Variants in FAM120B observed in about 807,000 individuals in gnomAD.
FAM120B encodes the protein family with sequence similarity 120 member B.
A neutral mutation model predicts 96.3 loss-of-function variants in FAM120B; 83 were observed. The ratio of observed to expected loss-of-function variants is 0.86; its 90% CI spans 0.72 to 1.03. The LOEUF (loss-of-function observed/expected upper bound fraction) is 1.03, where lower values mean the gene tolerates loss of function less well. Ranked by LOEUF, FAM120B falls within the 50% of genes least tolerant of loss-of-function variation. FAM120B has a pLI of 0.00. For synonymous variants in FAM120B, 407 were observed against 402.7 expected (o/e 1.01, Z -0.13); for missense variants, 1,027 against 1,121.2 (o/e 0.92, Z 1.20).
chr6:170,329,132 G>A (rs1785820990), intron 3 of FAM120B, among the ~76,000 whole-genome samples: 1 of 152,206 alleles, frequency 6.6e-6, no homozygotes, highest in Admixed American at 6.5e-5. Flanking sequence ...TATCCTGATA[G>A]CTCTCTCTTC....
At chr6:170,369,059 A>T (rs1289032537) in intron 6 of FAM120B, among the ~76,000 whole-genome samples, 2 of 152,324 alleles carry the variant, frequency 1.3e-5, no homozygotes, top group South Asian at 4.1e-4. Flanking sequence ...CAGTAGAAAT[A>T]GAAATCTTGA....
intron 6 of FAM120B, among the ~76,000 whole-genome samples, chr6:170,377,983 T>C (rs1200524843): frequency 6.8e-6 from 1 of 147,848 alleles, no homozygotes; most frequent in Non-Finnish European, 1.5e-5. Context: ...ACTGAAGAAG[T>C]TGAAACCAAA....
chr6:170,323,062 A>G lies in FAM120B; in HGVS notation c.1735-17A>G. 1.9e-6 allele frequency: 3 copies of G among 1,590,210 alleles called. No individual in the cohort carries two copies. The highest frequency in any genetic ancestry group is 2.6e-6 in the Non-Finnish European group (3 of 1,168,626). ...TGTTTTTAAGGAGAAATTCAGTTGT[A>G]TTTAAATTTCAAACAGGTTGCTAGA... On this transcript the variant is annotated splice_polypyrimidine_tract_variant and intron_variant, in intron 2 of 10. Coordinates refer to ENST00000476287, the MANE Select transcript of FAM120B (RefSeq NM_032448.3).
chr6:170,292,400 C>T (rs981245078), upstream of FAM120B, among the ~76,000 whole-genome samples: 5 of 152,134 alleles, frequency 3.3e-5, no homozygotes. The surrounding 1 kb of genome is among the most constrained non-coding windows in gnomAD (Gnocchi z 6.6). Context: ...TTTACCATCC[C>T]GCCCGTGGAT....
At chr6:170,291,158 C>T (rs1055902163), upstream of FAM120B, 8 of 652,288 alleles carry the variant, frequency 1.2e-5, no homozygotes, top group Non-Finnish European at 2.2e-5. Context: ...CGCCCCCAGC[C>T]CCCCCTTCCT....
chr6:170,353,496 C>A (rs1009875071), intron 5 of FAM120B, among the ~76,000 whole-genome samples: 1 of 152,040 alleles, frequency 6.6e-6, no homozygotes, highest in African/African-American at 2.4e-5. Context: ...ATGCAAAAAT[C>A]CTCACTAAAA....
At chr6:170,344,365 T>A (rs998912387) in intron 4 of FAM120B, among the ~76,000 whole-genome samples, 2 of 108,882 alleles carry the variant, frequency 1.8e-5, no homozygotes, top group African/African-American at 7.8e-5. Context: ...TTCAGTCCAT[T>A]CACCTGCACC....
chr6:170,401,548 C>T (rs1324293984), intron 9 of FAM120B, among the ~76,000 whole-genome samples: 1 of 152,142 alleles, frequency 6.6e-6, no homozygotes, highest in Non-Finnish European at 1.5e-5. Context: ...AGGCCGCTGT[C>T]CCCTGCAGGA....
intron 6 of FAM120B, among the ~76,000 whole-genome samples, chr6:170,379,835 A>C (rs911971885): frequency 1.3e-5 from 2 of 152,240 alleles, no homozygotes; most frequent in African/African-American, 4.8e-5. Context: ...TAACCTATCC[A>C]TCACCTTTTG....
chr6:170,395,678 T>G, intron 9 of FAM120B, 99 bp downstream of exon 9: 2 of 804,358 alleles, frequency 2.5e-6, no homozygotes, highest in African/African-American at 1.7e-5. Flanking sequence ...TCAGAAAGGT[T>G]GTATAGTTCC....
At chr6:170,394,677 C>T (rs1003362287) in intron 8 of FAM120B, among the ~76,000 whole-genome samples, 1 of 139,368 alleles carries the variant, frequency 7.2e-6, no homozygotes, top group East Asian at 2.1e-4. Context: ...CCGTGGACAC[C>T]GCAGCATGTC....
At chr6:170,336,259 T>G (rs1030902741) in intron 4 of FAM120B, among the ~76,000 whole-genome samples, 1 of 152,234 alleles carries the variant, frequency 6.6e-6, no homozygotes, top group Non-Finnish European at 1.5e-5. Flanking sequence ...TTCTGTTTTC[T>G]GCTTATGGCT....
intron 6 of FAM120B, 96 bp downstream of exon 6, chr6:170,358,414 C>G: frequency 1.1e-6 from 1 of 910,230 alleles, no homozygotes; most frequent in Non-Finnish European, 1.7e-6. Flanking sequence ...CAGAAAAGAT[C>G]AGGAAGGTAT....
chr6:170,348,871 G>A (rs981525734), intron 5 of FAM120B, among the ~76,000 whole-genome samples: 5 of 152,134 alleles, frequency 3.3e-5, no homozygotes, highest in Non-Finnish European at 7.4e-5. Flanking sequence ...CTGTTGGGGC[G>A]ATTTCAGGTG....
chr6:170,401,007 G>C (rs1414082885), intron 9 of FAM120B, among the ~76,000 whole-genome samples: 1 of 152,210 alleles, frequency 6.6e-6, no homozygotes, highest in Admixed American at 6.5e-5. Flanking sequence ...GGATTGACAG[G>C]AAGCAGCTTT....
intron 5 of FAM120B, among the ~76,000 whole-genome samples, chr6:170,355,562 G>C (rs1369709447): frequency 6.6e-6 from 1 of 152,018 alleles, no homozygotes; most frequent in Non-Finnish European, 1.5e-5. Flanking sequence ...ACTGGGGACT[G>C]TGAGGGGGTC....
At position 170,406,727 on chromosome 6, in the gene FAM120B, T is replaced by TG. The variant is rs1337916017; in HGVS notation, c.*1977dup. The TG allele has an allele frequency of 6.6e-6, 1 of 152,254 alleles. No homozygotes were observed. Among genetic ancestry groups the TG allele is most frequent in the Non-Finnish European group, 1.5e-5 (1 of 68,040 alleles). The allele number at this position is 152,254 out of a possible 1,614,324, so 9.4% of individuals were successfully genotyped here. A position where few individuals can be genotyped will look rare whatever the true frequency, so the allele number is the denominator to read the frequency against. ...ATTAACTTTCTATTTCTTCCATTTT[T>TG]GCTCATTTGAAACCCCTGCTGCTTC... On this transcript the variant is annotated 3_prime_UTR_variant, in exon 11 of 11. Coordinates refer to ENST00000476287, the MANE Select transcript of FAM120B (RefSeq NM_032448.3).
intron 6 of FAM120B, among the ~76,000 whole-genome samples, chr6:170,385,252 CAG>C (rs1790123479): frequency 6.6e-6 from 1 of 152,124 alleles, no homozygotes; most frequent in African/African-American, 2.4e-5. Flanking sequence ...GCAGAAACCA[CAG>C]TGGGCATTAT....
intron 9 of FAM120B, among the ~76,000 whole-genome samples, chr6:170,399,651 C>A: frequency 7.8e-6 from 1 of 128,336 alleles, no homozygotes; most frequent in Non-Finnish European, 1.6e-5. Flanking sequence ...GAAGGTAGAA[C>A]TATGTCATAA....
Sources: gnomAD v4.1 joint callset for allele counts (sites outside exome capture counted in the v4.1 genomes callset) on GRCh38, gnomAD v4.1.1 for gene constraint, Gnocchi (gnomAD v3.1) non-coding constraint, MANE v1.5 for transcripts, NCBI Gene and HGNC (gene_info 2026-07-23, HGNC 2026-07-21) for gene names.